The following KLHL14 variants were observed in gnomAD, a reference collection of about 807,000 sequenced individuals.
KLHL14 encodes the protein kelch like family member 14, also known as kelch-like protein 14.
Under a neutral mutation model 64.3 loss-of-function variants are expected in KLHL14, and 22 were observed. The observed-to-expected ratio is 0.34, with a 90% CI of 0.24 to 0.49. The LOEUF (loss-of-function observed/expected upper bound fraction) is 0.49. Ranked by LOEUF, KLHL14 falls within the 20% of genes least tolerant of loss-of-function variation. The pLI is 0.99. For synonymous variants in KLHL14, 322 were observed against 333.4 expected, an observed-to-expected ratio of 0.97 and a Z score of 0.37; for missense variants, 661 against 789.0, an observed-to-expected ratio of 0.84 and a Z score of 1.94.
At chr18:32,771,510 G>C (rs1188410408) in intron 1 of KLHL14, among the ~76,000 whole-genome samples, 1 of 152,080 alleles carries the variant, frequency 6.6e-6, no homozygotes, top group African/African-American at 2.4e-5. Flanking sequence ...TTCCACCACC[G>C]CCACCCCCAC....
intron 2 of KLHL14, among the ~76,000 whole-genome samples, chr18:32,762,867 A>G (rs2050321677): frequency 6.6e-6 from 1 of 152,198 alleles, no homozygotes; most frequent in Non-Finnish European, 1.5e-5. Context: ...CAATTGTTAA[A>G]TTGATTTTCT....
intron 8 of KLHL14, among the ~76,000 whole-genome samples, chr18:32,676,884 T>C (rs188879937): frequency 3.9e-5 from 6 of 152,248 alleles, no homozygotes; most frequent in African/African-American, 1.2e-4. Context: ...CTGCAGAACA[T>C]TTGTAAAATC....
rs1202159487 is a variant in KLHL14, at chr18:32,673,873, C to T, written c.*784G>A. ...TTTTGAAGTAAATAACATGTGTGTTCACTACTTATATATCACAAAATATGA... is the reference window on the plus strand; with the variant it reads ...TTTTGAAGTAAATAACATGTGTGTTTACTACTTATATATCACAAAATATGA... On this transcript the variant is annotated 3_prime_UTR_variant, in exon 9 of 9. Transcript: ENST00000359358. The T allele has an allele frequency of 6.6e-6, 1 of 151,966 alleles. No individual in the cohort carries two copies. Among genetic ancestry groups the T allele is most frequent in the African/African-American group, 2.4e-5 (1 of 41,334 alleles). The allele number at this position is 151,966 out of a possible 1,614,324, so 9.4% of individuals were successfully genotyped here.
intron 2 of KLHL14, chr18:32,744,756 T>C (rs567370370): frequency 3.9e-5 from 6 of 152,328 alleles, no homozygotes; most frequent in African/African-American, 1.4e-4. Context: ...CAAGTTACAC[T>C]GGTGATTCTC....
At chr18:32,691,316 A>G (rs2049906451) in intron 4 of KLHL14, among the ~76,000 whole-genome samples, 1 of 152,100 alleles carries the variant, frequency 6.6e-6, no homozygotes, top group Non-Finnish European at 1.5e-5. Context: ...TGATTCAGAG[A>G]AGAGGCTAAG....
chr18:32,752,444 T>A (rs2144540815), intron 2 of KLHL14, among the ~76,000 whole-genome samples: 1 of 152,322 alleles, frequency 6.6e-6, no homozygotes, highest in South Asian at 2.1e-4. Flanking sequence ...TTTTACTATG[T>A]ACTGCCCTAG....
chr18:32,745,507 T>G (rs192413947), intron 2 of KLHL14: 1 of 152,210 alleles, frequency 6.6e-6, no homozygotes. Flanking sequence ...ATAGCTGTTA[T>G]AAGAAGGTAC....
At chr18:32,715,609 G>A (rs979262978) in intron 3 of KLHL14, among the ~76,000 whole-genome samples, 1 of 151,934 alleles carries the variant, frequency 6.6e-6, no homozygotes, top group Non-Finnish European at 1.5e-5. Context: ...TAATGACAAC[G>A]TTGAAAAGAT....
At chr18:32,689,689 G>C (rs1291844052) in intron 4 of KLHL14, among the ~76,000 whole-genome samples, 1 of 152,198 alleles carries the variant, frequency 6.6e-6, no homozygotes, top group Non-Finnish European at 1.5e-5. Context: ...AAGTCCTTGA[G>C]CAGGCAAGAA....
At chr18:32,716,302 G>A (rs1010326412) in intron 3 of KLHL14, among the ~76,000 whole-genome samples, 1 of 152,032 alleles carries the variant, frequency 6.6e-6, no homozygotes, top group Non-Finnish European at 1.5e-5. Flanking sequence ...AAGGGCAGTG[G>A]TAAATACAAA....
chr18:32,735,165 TG>T (rs1445874722), intron 3 of KLHL14, among the ~76,000 whole-genome samples: 5 of 152,192 alleles, frequency 3.3e-5, no homozygotes, highest in African/African-American at 4.8e-5. Context: ...TAGATTTTCG[TG>T]GGTGAAATGG....
rs970205741 is a variant in KLHL14 at position 32,693,993 on chromosome 18, G to T, written c.1159+1470C>A. On this transcript the variant is annotated intron_variant, in intron 4 of 8. Transcript: ENST00000359358. ...TTTTTGTTTTGTTTTGTTTTGTTTT[G>T]TTTTTTTGCATATGCCTCTGGAACA... Among the ~76,000 whole-genome samples, 19 of 151,806 alleles carry T rather than the reference G, an allele frequency of 1.3e-4. No individual in the cohort carries two copies. In the East Asian group the frequency reaches 3.7e-3, roughly 29 times the overall value.
chr18:32,747,122 T>C (rs1294592552), intron 2 of KLHL14, among the ~76,000 whole-genome samples: 1 of 152,216 alleles, frequency 6.6e-6, no homozygotes, highest in Non-Finnish European at 1.5e-5. Flanking sequence ...TAAAAGTTGT[T>C]GTACAGTTGT....
chr18:32,674,919 A>G, intron 8 of KLHL14, 122 bp from the exon 9 acceptor site: 1 of 593,624 alleles, frequency 1.7e-6, no homozygotes. Context: ...TTGCTAAATA[A>G]TTCCAAATGA....
chr18:32,748,455 C>A (rs569410399), intron 2 of KLHL14, among the ~76,000 whole-genome samples: 69 of 152,068 alleles, frequency 4.5e-4, no homozygotes, highest in Middle Eastern at 3.4e-3. Context: ...CTGCAAGCTC[C>A]GCCTCCCGGG....
At chr18:32,764,918 C>A (rs1229123866) in intron 2 of KLHL14, among the ~76,000 whole-genome samples, 2 of 152,040 alleles carry the variant, frequency 1.3e-5, no homozygotes, top group South Asian at 2.1e-4. Context: ...TACTATTTAA[C>A]CCTCACAAGT....
intron 2 of KLHL14, among the ~76,000 whole-genome samples, chr18:32,763,316 C>T (rs770881476): frequency 1.3e-5 from 2 of 152,124 alleles, no homozygotes; most frequent in South Asian, 4.2e-4. Flanking sequence ...GTCTTCCCCT[C>T]GTTCTTCATT....
intron 3 of KLHL14, among the ~76,000 whole-genome samples, chr18:32,734,884 C>CTGTGTGTGTG (rs34494954): frequency 2.7e-4 from 41 of 150,804 alleles, no homozygotes; most frequent in African/African-American, 9.7e-4. Context: ...AGATGTTACT[C>CTGTGTGTGTG]TGTGTGTGTG....
chr18:32,707,977 A>G (rs2049998765), intron 3 of KLHL14, among the ~76,000 whole-genome samples: 1 of 152,190 alleles, frequency 6.6e-6, no homozygotes, highest in African/African-American at 2.4e-5. Context: ...GGATGATTTA[A>G]TGGTCCAAAG....
Sources: gnomAD v4.1 joint callset for allele counts (sites outside exome capture counted in the v4.1 genomes callset) on GRCh38, gnomAD v4.1.1 for gene constraint, MANE v1.5 for transcripts, NCBI Gene and HGNC (gene_info 2026-07-23, HGNC 2026-07-21) for gene names.